PLEKHA8: variants seen among roughly 807,000 people sequenced by gnomAD.
PLEKHA8 encodes pleckstrin homology domain containing A8.
PLEKHA8 carries 36 observed loss-of-function variants against 68.2 expected under a neutral mutation model. That is an observed-to-expected ratio of 0.53 (90% CI 0.40 to 0.70). The LOEUF (loss-of-function observed/expected upper bound fraction) is 0.70. PLEKHA8 is among the 30% of genes least tolerant of loss of function. The pLI is 0.00. For missense variants in PLEKHA8, 505 were observed against 615.4 expected (o/e 0.82, Z 1.90); for synonymous variants, 211 against 216.1 (o/e 0.98, Z 0.20).
intron 13 of PLEKHA8, among the ~76,000 whole-genome samples, chr7:30,077,670 C>G (rs1045828881): frequency 2.6e-5 from 4 of 152,254 alleles, no homozygotes; most frequent in Admixed American, 6.5e-5. Flanking sequence ...ATGATAATGC[C>G]AGTCACTCTC....
intron 13 of PLEKHA8, among the ~76,000 whole-genome samples, chr7:30,106,400 G>C (rs1562552534): frequency 6.6e-6 from 1 of 152,000 alleles, no homozygotes; most frequent in Non-Finnish European, 1.5e-5. Flanking sequence ...AGTTGTGTAT[G>C]GGATGTAATT....
chr7:30,116,884 T>G (rs962247908), intron 13 of PLEKHA8, among the ~76,000 whole-genome samples: 9 of 152,114 alleles, frequency 5.9e-5, no homozygotes, highest in Non-Finnish European at 1.5e-5. Flanking sequence ...GGCCAGTGTA[T>G]AAAAAGGATC....
intron 13 of PLEKHA8, among the ~76,000 whole-genome samples, chr7:30,126,065 A>G (rs1796767151): frequency 6.6e-6 from 1 of 152,032 alleles, no homozygotes; most frequent in African/African-American, 2.4e-5. Flanking sequence ...AGCCACTCTA[A>G]GTCTCTGTCA....
chr7:30,067,353 C>G (rs969621894), intron 12 of PLEKHA8, among the ~76,000 whole-genome samples: 14 of 152,174 alleles, frequency 9.2e-5, no homozygotes, highest in African/African-American at 3.4e-4. Context: ...GCCTGTAGTT[C>G]TAGCTACTTG....
At chr7:30,032,507 G>T (rs1267043375) in intron 1 of PLEKHA8, among the ~76,000 whole-genome samples, 4 of 152,192 alleles carry the variant, frequency 2.6e-5, no homozygotes, top group Non-Finnish European at 5.9e-5. Context: ...TCCAGATGAA[G>T]ACACTGAGAT....
At chr7:30,102,683 T>C (rs1795894984) in intron 13 of PLEKHA8, among the ~76,000 whole-genome samples, 1 of 152,132 alleles carries the variant, frequency 6.6e-6, no homozygotes, top group African/African-American at 2.4e-5. Flanking sequence ...AAAGGACAAA[T>C]ATTGTATGAC....
intron 1 of PLEKHA8, among the ~76,000 whole-genome samples, chr7:30,043,153 C>T (rs1791672428): frequency 6.6e-6 from 1 of 152,184 alleles, no homozygotes; most frequent in South Asian, 2.1e-4. Context: ...TATGCCACCA[C>T]TGTCGGCTAA....
At chr7:30,088,301 C>T (rs556458796), downstream of PLEKHA8, among the ~76,000 whole-genome samples, 1 of 152,132 alleles carries the variant, frequency 6.6e-6, no homozygotes, top group East Asian at 1.9e-4. Context: ...AAATTATGAA[C>T]GATTAGAATG....
At chr7:30,044,296 C>T (rs959755630) in intron 1 of PLEKHA8, among the ~76,000 whole-genome samples, 4 of 152,090 alleles carry the variant, frequency 2.6e-5, no homozygotes, top group Non-Finnish European at 4.4e-5. Context: ...TGAGCCACCA[C>T]GCCTGGCCAG....
At chr7:30,116,332 ATG>A (rs540080354) in intron 13 of PLEKHA8, among the ~76,000 whole-genome samples, 161 of 151,900 alleles carry the variant, frequency 1.1e-3, no homozygotes, top group African/African-American at 3.5e-3. Context: ...ATATGTGTGT[ATG>A]TATATATGTA....
At chr7:30,062,480 G>A (rs565614854) in intron 11 of PLEKHA8, among the ~76,000 whole-genome samples, 192 bp from the exon 12 acceptor site, 29 of 152,292 alleles carry the variant, frequency 1.9e-4, no homozygotes, top group African/African-American at 6.7e-4. Context: ...CAGATGAGAT[G>A]AAAGATGGGC....
chr7:30,126,255 G>A (rs1179798939), intron 13 of PLEKHA8, among the ~76,000 whole-genome samples: 1 of 152,152 alleles, frequency 6.6e-6, no homozygotes, highest in East Asian at 1.9e-4. Context: ...TCATGGAGAA[G>A]GACTGTATTG....
chr7:30,118,616 C>G (rs1440377861), intron 13 of PLEKHA8, among the ~76,000 whole-genome samples: 1 of 150,150 alleles, frequency 6.7e-6, no homozygotes, highest in African/African-American at 2.5e-5. Flanking sequence ...CTTGCTCTGT[C>G]GCCCAGGCTG....
chr7:30,054,934 G>A, intron 8 of PLEKHA8, 69 bp downstream of exon 8: 5 of 1,424,126 alleles, frequency 3.5e-6, no homozygotes, highest in Non-Finnish European at 3.9e-6. Flanking sequence ...CAGTCATGGT[G>A]TTCCTTTCAG....
chr7:30,130,240 CAG>C (rs1456449390), downstream of PLEKHA8: 1 of 152,116 alleles, frequency 6.6e-6, no homozygotes, highest in Non-Finnish European at 1.5e-5. Flanking sequence ...AGAAAAGAAA[CAG>C]AGAAAAATGT....
At chr7:30,059,943 G>A (rs1016444925) in intron 9 of PLEKHA8, among the ~76,000 whole-genome samples, 1 of 152,284 alleles carries the variant, frequency 6.6e-6, no homozygotes, top group Non-Finnish European at 1.5e-5. Context: ...CAGCACTTTG[G>A]GAGGCCGAGG....
At chr7:30,102,131 A>G (rs969178766) in intron 13 of PLEKHA8, among the ~76,000 whole-genome samples, 7 of 152,228 alleles carry the variant, frequency 4.6e-5, no homozygotes, top group African/African-American at 1.7e-4. Flanking sequence ...AAGGACTTGA[A>G]TAGACATTTC....
At chr7:30,056,742 AGTG>A (rs555299059) in intron 9 of PLEKHA8, among the ~76,000 whole-genome samples, 4,081 of 74,512 alleles carry the variant, frequency 0.055, 177 homozygotes, top group Middle Eastern at 0.083. Context: ...AAAAAAAAAA[AGTG>A]TGTGTGTGTG....
chr7:30,094,701 G>T (rs1795539806), downstream of PLEKHA8, among the ~76,000 whole-genome samples: 1 of 100,536 alleles, frequency 9.9e-6, no homozygotes, highest in African/African-American at 4.1e-5. Context: ...ACAGGCCCCA[G>T]TGTGTGATGT....
Sources: gnomAD v4.1 joint callset for allele counts (sites outside exome capture counted in the v4.1 genomes callset) on GRCh38, gnomAD v4.1.1 for gene constraint, MANE v1.5 for transcripts, NCBI Gene and HGNC (gene_info 2026-07-23, HGNC 2026-07-21) for gene names.